The following ATF1 variants were observed in gnomAD, a reference collection of about 807,000 sequenced individuals.
The protein encoded by ATF1 is cyclic AMP-dependent transcription factor ATF-1.
Under a neutral mutation model 34.7 loss-of-function variants are expected in ATF1, and 16 were observed. The ratio of observed to expected loss-of-function variants is 0.46; its 90% CI spans 0.31 to 0.70. The LOEUF is 0.70. Ranked by LOEUF, ATF1 falls within the 30% of genes least tolerant of loss-of-function variation. The probability of loss-of-function intolerance (pLI) is 0.05; values close to 1 mark genes in which losing one functional copy is unlikely to be tolerated. For synonymous variants in ATF1, 105 were observed against 113.1 expected (o/e 0.93, Z 0.46); for missense variants, 255 against 321.6 (o/e 0.79, Z 1.58).
chr12:50,810,322 A>T (rs1941709867), intron 4 of ATF1, among the ~76,000 whole-genome samples: 1 of 146,032 alleles, frequency 6.8e-6, no homozygotes, highest in Non-Finnish European at 1.5e-5. Context: ...GGTTCAAGTG[A>T]TTCTCCTGCC....
Position 50,820,975 on chromosome 12 carries a change from A to C in ATF1, c.*1196A>C, listed in dbSNP as rs148067084. On this transcript the variant is annotated 3_prime_UTR_variant, in exon 7 of 7. Coordinates refer to ENST00000262053, the MANE Select transcript of ATF1 (RefSeq NM_005171.5). ...TGTAAATTTTGTATGCAGTTTATCT[A>C]AAATTCAAAAATACTGTCAGTACAC... The C allele has an allele frequency of 1.6e-3, 287 of 180,368 alleles. 4 individuals carry two copies. Among genetic ancestry groups the C allele is most frequent in the African/African-American group, 5.9e-3 (251 of 42,502 alleles). 11.2% of individuals were successfully genotyped at this position (180,368 alleles called of 1,614,324 possible).
chr12:50,774,840 C>T (rs1191900326), intron 1 of ATF1, among the ~76,000 whole-genome samples: 1 of 151,244 alleles, frequency 6.6e-6, no homozygotes, highest in Non-Finnish European at 1.5e-5. Context: ...CTCCGCCTCC[C>T]GGGTTCACGC....
At chr12:50,774,995 C>T (rs1592168468) in intron 1 of ATF1, among the ~76,000 whole-genome samples, 2 of 151,984 alleles carry the variant, frequency 1.3e-5, no homozygotes, top group African/African-American at 2.4e-5. Context: ...CCGCCTGCCT[C>T]GGCCTCCCAA....
At chr12:50,767,554 C>G (rs1230389593) in intron 1 of ATF1, among the ~76,000 whole-genome samples, 1 of 152,168 alleles carries the variant, frequency 6.6e-6, no homozygotes, top group Non-Finnish European at 1.5e-5. Context: ...CACCTGTAAG[C>G]TCGCTTTTCA....
chr12:50,771,585 G>A (rs1055159626), intron 1 of ATF1, among the ~76,000 whole-genome samples: 2 of 152,060 alleles, frequency 1.3e-5, no homozygotes, highest in Non-Finnish European at 2.9e-5. Context: ...AGGATTAAGG[G>A]TTCTCTTAGA....
chr12:50,778,779 C>G (rs1397558230), intron 1 of ATF1, among the ~76,000 whole-genome samples: 2 of 152,080 alleles, frequency 1.3e-5, no homozygotes, highest in Non-Finnish European at 2.9e-5. Context: ...TAGTAGAAAC[C>G]ATGTTGCCCA....
At position 50,809,596 on chromosome 12, in the gene ATF1, A is replaced by ACAG; in HGVS notation, c.328+7_328+8insCAG. The ACAG allele has an allele frequency of 6.3e-7, 1 of 1,599,018 alleles. No individual in the cohort carries two copies. ...ACTAGCAGCGGACAGTACAGTATGT[A>ACAG]TAGGAATCAGTTTCCACATTATAAA... is the stretch of plus-strand genomic sequence containing the variant. On this transcript the variant is annotated splice_region_variant and intron_variant, in intron 4 of 6. Transcript: ENST00000262053.
At chr12:50,802,611 A>G (rs1041149200) in intron 3 of ATF1, among the ~76,000 whole-genome samples, 1 of 151,770 alleles carries the variant, frequency 6.6e-6, no homozygotes, top group Non-Finnish European at 1.5e-5. Flanking sequence ...GGTGGCTCAC[A>G]TCTGTAATTC....
chr12:50,778,613 A>G (rs1940985457), intron 1 of ATF1, among the ~76,000 whole-genome samples: 1 of 147,246 alleles, frequency 6.8e-6, no homozygotes, highest in African/African-American at 2.5e-5. Context: ...TTTTTTTGAG[A>G]CAATCTCCCT....
intron 3 of ATF1, among the ~76,000 whole-genome samples, chr12:50,809,057 C>G (rs1941677074): frequency 1.3e-5 from 2 of 152,006 alleles, no homozygotes; most frequent in African/African-American, 4.8e-5. Context: ...TAACTTTTAC[C>G]TGAGATTGAA....
intron 2 of ATF1, among the ~76,000 whole-genome samples, chr12:50,789,083 GTT>G: frequency 6.9e-6 from 1 of 145,600 alleles, no homozygotes; most frequent in South Asian, 2.2e-4. Context: ...TTTTTTTGTT[GTT>G]TTTTTTTTTC....
chr12:50,779,238 ATTC>A (rs998305443), intron 1 of ATF1, among the ~76,000 whole-genome samples: 1 of 152,222 alleles, frequency 6.6e-6, no homozygotes, highest in African/African-American at 2.4e-5. Context: ...GTGTACAAAT[ATTC>A]TTCTCCTTGA....
At chr12:50,765,332 T>A (rs1234314078) in intron 1 of ATF1, among the ~76,000 whole-genome samples, 1 of 152,210 alleles carries the variant, frequency 6.6e-6, no homozygotes, top group Non-Finnish European at 1.5e-5. Context: ...CTCCGTGTCT[T>A]AATTAGAATC....
At chr12:50,812,323 C>G (rs911490406) in intron 4 of ATF1, among the ~76,000 whole-genome samples, 2 of 152,006 alleles carry the variant, frequency 1.3e-5, no homozygotes, top group Non-Finnish European at 1.5e-5. Flanking sequence ...GTATATAAGT[C>G]TGTATAAGCA....
chr12:50,798,202 TGAAAG>T (rs1941446850), intron 3 of ATF1, among the ~76,000 whole-genome samples: 1 of 151,490 alleles, frequency 6.6e-6, no homozygotes, highest in South Asian at 2.1e-4. Context: ...AAGAAGAAAA[TGAAAG>T]GAATATAAAT....
intron 1 of ATF1, among the ~76,000 whole-genome samples, chr12:50,775,007 G>A (rs1940879193): frequency 6.6e-6 from 1 of 151,980 alleles, no homozygotes; most frequent in African/African-American, 2.4e-5. Context: ...GCCTCCCAAA[G>A]TGCTGGGATT....
At chr12:50,792,475 AT>A (rs1271407102) in intron 2 of ATF1, among the ~76,000 whole-genome samples, 3 of 152,218 alleles carry the variant, frequency 2.0e-5, no homozygotes, top group Non-Finnish European at 4.4e-5. Flanking sequence ...TCAGGGGGTC[AT>A]CCAGACAGCC....
chr12:50,818,433 AGAAT>A (rs1941885861), intron 6 of ATF1, among the ~76,000 whole-genome samples: 1 of 152,236 alleles, frequency 6.6e-6, no homozygotes, highest in African/African-American at 2.4e-5. Context: ...AAAAAGAAAA[AGAAT>A]GTTTACTGGA....
intron 4 of ATF1, among the ~76,000 whole-genome samples, chr12:50,813,415 G>A (rs1941777522): frequency 6.6e-6 from 1 of 151,982 alleles, no homozygotes; most frequent in Admixed American, 6.6e-5. Flanking sequence ...TTTTCCATAA[G>A]CATGTTATCT....
Sources: gnomAD v4.1 joint callset for allele counts (sites outside exome capture counted in the v4.1 genomes callset) on GRCh38, gnomAD v4.1.1 for gene constraint, MANE v1.5 for transcripts, NCBI Gene and HGNC (gene_info 2026-07-23, HGNC 2026-07-21) for gene names.